The following RASA1 variants were observed in gnomAD, a reference collection of about 807,000 sequenced individuals.
RASA1 encodes the protein RAS p21 protein activator 1, also known as ras GTPase-activating protein 1.
A neutral mutation model predicts 132.2 loss-of-function variants in RASA1; 25 were observed. The ratio of observed to expected loss-of-function variants is 0.19; its 90% CI spans 0.14 to 0.26. The LOEUF is 0.26. RASA1 is among the 10% of genes least tolerant of loss of function. The pLI, the probability that RASA1 is intolerant of heterozygous loss-of-function variation, is 1.00. For missense variants in RASA1, 964 were observed against 1,299.2 expected (o/e 0.74, Z 3.97); for synonymous variants, 477 against 449.9 (o/e 1.06, Z -0.76).
intron 1 of RASA1, among the ~76,000 whole-genome samples, chr5:87,302,729 T>A (rs183576709): frequency 6.6e-6 from 1 of 150,996 alleles, no homozygotes; most frequent in Admixed American, 6.6e-5. Flanking sequence ...ATCCTAGATA[T>A]CTTTTTGGGC....
chr5:87,365,319 T>C (rs1027985667), intron 11 of RASA1, among the ~76,000 whole-genome samples: 31 of 152,156 alleles, frequency 2.0e-4, no homozygotes, highest in Non-Finnish European at 3.7e-4. Context: ...CATTATTTTA[T>C]TGGGGCAAAA....
chr5:87,323,182 TA>T (rs1756953744), intron 1 of RASA1, among the ~76,000 whole-genome samples: 1 of 152,210 alleles, frequency 6.6e-6, no homozygotes. Flanking sequence ...GCCTTAGTTT[TA>T]GGATGACTTT....
At position 87,333,355 on chromosome 5, in the gene RASA1, C is replaced by A. The variant is rs1179547402; in HGVS notation, c.899+18C>A. The A allele has an allele frequency of 3.1e-6, 5 of 1,611,536 alleles. No individual in the cohort carries two copies. The highest frequency in any genetic ancestry group is 1.1e-5 in the South Asian group (1 of 90,744). On this transcript the variant is annotated intron_variant, in intron 4 of 24. Coordinates refer to ENST00000274376, the MANE Select transcript of RASA1 (RefSeq NM_002890.3). ...GAAATAAGGTATTTTATAATCTATT[C>A]TCATGTATAGGCATTTGAAAGAGCT...
At chr5:87,387,395 TAATAA>T (rs1762136488) in intron 23 of RASA1, among the ~76,000 whole-genome samples, 1 of 152,294 alleles carries the variant, frequency 6.6e-6, no homozygotes, top group Admixed American at 6.5e-5. Context: ...TGGGCCTTGT[TAATAA>T]AATAAATTGT....
At chr5:87,349,651 G>A (rs538298267) in intron 8 of RASA1, among the ~76,000 whole-genome samples, 1 of 151,898 alleles carries the variant, frequency 6.6e-6, no homozygotes, top group African/African-American at 2.4e-5. Context: ...GTTATCTGTA[G>A]GAGGAGCAAA....
chr5:87,372,906 T>C (rs1306596813), intron 13 of RASA1, among the ~76,000 whole-genome samples: 5 of 152,046 alleles, frequency 3.3e-5, no homozygotes, highest in Non-Finnish European at 5.9e-5. Flanking sequence ...CTACTGGGAG[T>C]GGATAATGGT....
At chr5:87,316,128 T>C (rs1472588828) in intron 1 of RASA1, among the ~76,000 whole-genome samples, 1 of 152,242 alleles carries the variant, frequency 6.6e-6, no homozygotes, top group Admixed American at 6.5e-5. Context: ...AGACCAGATC[T>C]GTTTGTTTGA....
intron 6 of RASA1, among the ~76,000 whole-genome samples, chr5:87,342,292 G>C (rs1282672472): frequency 2.0e-5 from 3 of 151,656 alleles, no homozygotes; most frequent in African/African-American, 7.3e-5. Flanking sequence ...CTGAGTAGCT[G>C]GGACCACCGG....
chr5:87,376,709 T>C (rs1761350394), intron 16 of RASA1, 144 bp downstream of exon 16: 2 of 1,257,422 alleles, frequency 1.6e-6, no homozygotes, highest in East Asian at 5.1e-5. Flanking sequence ...TTTTATACTG[T>C]AATTTTGGTA....
chr5:87,268,757 G>T lies in RASA1; in HGVS notation c.306G>T (p.Val102=). The change falls in exon 1 of 25, where the codon GTG becomes GTT. Residue 102 remains valine, a synonymous_variant. Coordinates refer to ENST00000274376, the MANE Select transcript of RASA1 (RefSeq NM_002890.3). Reference sequence around the variant, plus strand: ...GCGTAGCTGGTGCTGCTGCTGGCGTGGCCGGTGCTGCTGTTGCTGGACCTA... The same window carrying T: ...GCGTAGCTGGTGCTGCTGCTGGCGTTGCCGGTGCTGCTGTTGCTGGACCTA... ...AAGVAGAAAG[V]AGAAVAGPSG... is the part of the protein sequence containing the mutation. 6.2e-7 allele frequency: 1 copy of T among 1,613,664 alleles called. No homozygotes were observed. The highest frequency in any genetic ancestry group is 8.5e-7 in the Non-Finnish European group (1 of 1,179,856).
rs1375575719 is a variant in RASA1, at chr5:87,268,514, C to T, written c.63C>T (p.Gly21=). 1.3e-6 allele frequency: 2 copies of T among 1,570,230 alleles called. No individual in the cohort carries two copies. Among genetic ancestry groups the T allele is most frequent in the Non-Finnish European group, 1.7e-6 (2 of 1,160,148 alleles). Residue 21 remains glycine (G), a synonymous_variant, in exon 1 of 25, where the codon GGC becomes GGT. Transcript: ENST00000274376. The part of the protein sequence containing the change: ...GGPVTAGAGG[G]GAAAGSSAYP... ...CGGTAACAGCCGGAGCTGGAGGAGG[C>T]GGCGCGGCAGCGGGCTCCAGTGCCT... is the stretch of plus-strand genomic sequence containing the variant.
intron 1 of RASA1, among the ~76,000 whole-genome samples, chr5:87,292,246 A>C (rs987826345): frequency 2.0e-5 from 3 of 152,116 alleles, no homozygotes; most frequent in African/African-American, 7.2e-5. Flanking sequence ...CACCATAGCC[A>C]AGGTCATTAG....
chr5:87,274,427 G>A (rs1337506081), intron 1 of RASA1, among the ~76,000 whole-genome samples: 2 of 152,118 alleles, frequency 1.3e-5, no homozygotes, highest in Non-Finnish European at 2.9e-5. Flanking sequence ...ATACATATGG[G>A]TGAGCCATTG....
chr5:87,292,653 A>G (rs191124960), intron 1 of RASA1, among the ~76,000 whole-genome samples: 2 of 152,254 alleles, frequency 1.3e-5, no homozygotes, highest in South Asian at 2.1e-4. Context: ...ACCTCTCCAT[A>G]AAAACTTTAG....
chr5:87,329,504 A>G (rs1038228296), intron 1 of RASA1, among the ~76,000 whole-genome samples: 8 of 152,132 alleles, frequency 5.3e-5, no homozygotes, highest in African/African-American at 1.7e-4. Flanking sequence ...ACTTAAAATC[A>G]TAAGTTGGAT....
intron 11 of RASA1, among the ~76,000 whole-genome samples, chr5:87,364,305 C>A (rs1443343877): frequency 6.6e-6 from 1 of 151,962 alleles, no homozygotes; most frequent in African/African-American, 2.4e-5. Flanking sequence ...CTTGTCATTT[C>A]TTTTTTCAGT....
At chr5:87,325,937 G>A (rs887641170) in intron 1 of RASA1, among the ~76,000 whole-genome samples, 17 of 152,040 alleles carry the variant, frequency 1.1e-4, no homozygotes, top group African/African-American at 4.1e-4. Context: ...AAGGCCCTTC[G>A]GATGTGTTCC....
chr5:87,287,469 C>T (rs1322923435), intron 1 of RASA1, among the ~76,000 whole-genome samples: 2 of 144,828 alleles, frequency 1.4e-5, no homozygotes, highest in Non-Finnish European at 3.0e-5. Flanking sequence ...TATATATACA[C>T]ACCATATATA....
At chr5:87,294,788 T>C (rs1226976871) in intron 1 of RASA1, among the ~76,000 whole-genome samples, 1 of 152,220 alleles carries the variant, frequency 6.6e-6, no homozygotes, top group Non-Finnish European at 1.5e-5. Flanking sequence ...TTGGTAAATA[T>C]TTCATTCGAG....
Sources: allele counts gnomAD v4.1 joint callset (sites outside exome capture counted in the v4.1 genomes callset), GRCh38; gene constraint gnomAD v4.1.1; transcripts MANE v1.5; gene names NCBI Gene and HGNC (gene_info 2026-07-23, HGNC 2026-07-21).